Variants in TOX2 observed in about 807,000 individuals in gnomAD.
TOX2 encodes the protein granulosa cell HMG box 1.
Under a neutral mutation model 47.4 loss-of-function variants are expected in TOX2, and 15 were observed. That is an observed-to-expected ratio of 0.32 (90% CI 0.21 to 0.49). The LOEUF (loss-of-function observed/expected upper bound fraction) is 0.49, where lower values mean the gene tolerates loss of function less well. TOX2 is among the 20% of genes least tolerant of loss of function. TOX2 has a pLI of 0.99. For missense variants in TOX2, 622 were observed against 673.1 expected, an observed-to-expected ratio of 0.92 and a Z score of 0.84; for synonymous variants, 290 against 296.6, an observed-to-expected ratio of 0.98 and a Z score of 0.23.
Position 44,062,367 on chromosome 20 carries a change from AAAATAAAT to A in TOX2, c.880-2377_880-2370del, listed in dbSNP as rs200770035. Among the ~76,000 whole-genome samples the A allele has an allele frequency of 8.1e-3, 1,141 of 140,904 alleles. 3 individuals carry two copies. Among genetic ancestry groups the A allele is most frequent in the African/African-American group, 0.02 (725 of 37,090 alleles). The allele number at this position is 140,904 out of a possible 152,430, so 92.4% of individuals were successfully genotyped here. A position where few individuals can be genotyped will look rare whatever the true frequency, so the allele number is the denominator to read the frequency against. The stretch of plus-strand genomic sequence containing the variant: ...CAAGAACTCAACCCCCTTTAACTGC[AAAATAAAT>A]AAATAAATAAATAAATAAATAAATA... On this transcript the variant is annotated intron_variant, in intron 5 of 8. Transcript: ENST00000341197.
At chr20:44,054,251 G>A in intron 4 of TOX2, 48 bp from the exon 5 acceptor site, 1 of 1,556,432 alleles carries the variant, frequency 6.4e-7, no homozygotes, top group Non-Finnish European at 8.7e-7. Flanking sequence ...GCCTTTGGCA[G>A]GAGGCCCTTG....
At chr20:43,962,733 C>T (rs946218076) in intron 1 of TOX2, among the ~76,000 whole-genome samples, 1 of 152,198 alleles carries the variant, frequency 6.6e-6, no homozygotes, top group African/African-American at 2.4e-5. Flanking sequence ...ATGATGTCAG[C>T]TCTTCCGTCT....
chr20:43,952,330 C>A (rs1297908469), intron 1 of TOX2, among the ~76,000 whole-genome samples: 1 of 152,120 alleles, frequency 6.6e-6, no homozygotes, highest in African/African-American at 2.4e-5. Flanking sequence ...GAGCCACTGC[C>A]CCTGGCCTAA....
chr20:43,977,569 G>A (rs111292786), intron 2 of TOX2, among the ~76,000 whole-genome samples: 1 of 152,070 alleles, frequency 6.6e-6, no homozygotes, highest in African/African-American at 2.4e-5. Flanking sequence ...GCCGCTCTAC[G>A]GGCTTGAAGT....
intron 1 of TOX2, among the ~76,000 whole-genome samples, chr20:43,931,321 C>T (rs2069250084): frequency 6.6e-6 from 1 of 151,870 alleles, no homozygotes; most frequent in African/African-American, 2.4e-5. Flanking sequence ...AATTTTTTGA[C>T]AAGGGGTCTC....
At chr20:43,969,277 GGTGT>G (rs1057486165) in intron 1 of TOX2, among the ~76,000 whole-genome samples, 3 of 152,108 alleles carry the variant, frequency 2.0e-5, no homozygotes, top group East Asian at 1.9e-4. Flanking sequence ...ATGGGTTTGT[GGTGT>G]GTGTGTGTGC....
chr20:43,999,044 G>A (rs1048302993), intron 2 of TOX2, among the ~76,000 whole-genome samples: 4 of 152,150 alleles, frequency 2.6e-5, no homozygotes, highest in Non-Finnish European at 5.9e-5. Flanking sequence ...ACAGGCGTGC[G>A]CCACCATGCT....
At chr20:44,057,586 G>GACTTAGAAAAATA (rs2071643534) in intron 5 of TOX2, among the ~76,000 whole-genome samples, 1 of 152,146 alleles carries the variant, frequency 6.6e-6, no homozygotes, top group African/African-American at 2.4e-5. Flanking sequence ...ATAATTCCAA[G>GACTTAGAAAAATA]ACTTAGAAAA....
Position 44,066,776 on chromosome 20 carries a change from C to T in TOX2, c.1403C>T (p.Ser468Leu), listed in dbSNP as rs1040940936. Residue 468 changes from serine (S) to leucine (L), a missense_variant, in exon 8 of 9, where the codon TCA becomes TTA. Physicochemically the swap from Ser to Leu is moderately radical, Grantham distance 145. Coordinates refer to ENST00000341197, the MANE Select transcript of TOX2 (RefSeq NM_001098797.2). ...SEFPSSSGSC[S>L]PGPSNPTSSG... Reference sequence around the variant, plus strand: ...TTCCCCAGCAGCTCGGGATCCTGCTCACCTGGCCCATCCAACCCCACCAGC... The same window carrying T: ...TTCCCCAGCAGCTCGGGATCCTGCTTACCTGGCCCATCCAACCCCACCAGC... The T allele has an allele frequency of 1.2e-6, 2 of 1,614,200 alleles. No homozygotes were observed. The highest frequency in any genetic ancestry group is 1.1e-5 in the South Asian group (1 of 91,078).
chr20:43,931,951 C>G (rs959870187), intron 1 of TOX2, among the ~76,000 whole-genome samples: 7 of 152,176 alleles, frequency 4.6e-5, no homozygotes, highest in African/African-American at 1.7e-4. Context: ...CATTTCCATC[C>G]CTGCAGAAAG....
chr20:43,987,485 C>G (rs2070286785), intron 2 of TOX2, among the ~76,000 whole-genome samples: 2 of 152,122 alleles, frequency 1.3e-5, no homozygotes, highest in South Asian at 4.1e-4. Flanking sequence ...TTGAGCTGTA[C>G]ATTTATGATT....
At chr20:43,979,079 C>A (rs1016244937) in intron 2 of TOX2, among the ~76,000 whole-genome samples, 2 of 152,088 alleles carry the variant, frequency 1.3e-5, no homozygotes, top group Admixed American at 6.6e-5. Context: ...ATGGTGGTAC[C>A]ATTTTCTGAG....
chr20:43,915,047 C>A lies in TOX2; in HGVS notation c.99+57C>A. ...GCGGGGCCGGAGTCACCTGGCAGCT[C>A]GGGACTCAGGCGCTCCCGGGGTCAC... On this transcript the variant is annotated intron_variant, in intron 1 of 8. Coordinates refer to ENST00000341197, the MANE Select transcript of TOX2 (RefSeq NM_001098797.2). The surrounding 1 kb of genome is among the most constrained non-coding windows in gnomAD (Gnocchi z 7.1). 9.2e-7 allele frequency: 1 copy of A among 1,081,514 alleles called. No individual in the cohort carries two copies. The highest frequency in any genetic ancestry group is 1.2e-6 in the Non-Finnish European group (1 of 866,562). 67.0% of individuals were successfully genotyped at this position (1,081,514 alleles called of 1,614,324 possible). A position where few individuals can be genotyped will look rare whatever the true frequency, so the allele number is the denominator to read the frequency against.
chr20:43,949,301 A>G (rs2069520096), intron 1 of TOX2, among the ~76,000 whole-genome samples: 1 of 152,048 alleles, frequency 6.6e-6, no homozygotes, highest in African/African-American at 2.4e-5. Context: ...CCGCTTCACT[A>G]TTACTTGTCA....
intron 1 of TOX2, among the ~76,000 whole-genome samples, chr20:43,932,783 C>CCCG (rs11283632): frequency 0.11 from 16,719 of 148,826 alleles, 2,275 homozygotes; most frequent in African/African-American, 0.31. Flanking sequence ...TGCCCCCCCC[C>CCCG]GCCATTTCTG....
At chr20:43,947,491 T>C (rs772526543) in intron 1 of TOX2, among the ~76,000 whole-genome samples, 2 of 152,064 alleles carry the variant, frequency 1.3e-5, no homozygotes, top group African/African-American at 2.4e-5. Flanking sequence ...CACAACGGCA[T>C]GTGTTTGTGT....
At chr20:44,051,571 T>G (rs1424866595) in intron 4 of TOX2, 26 bp downstream of exon 4, 1 of 1,541,646 alleles carries the variant, frequency 6.5e-7, no homozygotes, top group African/African-American at 1.4e-5. Flanking sequence ...GAACAGAGCC[T>G]GAAGCTGCCC....
intron 1 of TOX2, among the ~76,000 whole-genome samples, chr20:43,953,901 G>A (rs752476432): frequency 1.4e-4 from 22 of 152,112 alleles, no homozygotes; most frequent in Non-Finnish European, 3.1e-4. Context: ...TCAACTCTAT[G>A]CCAGACACTC....
chr20:43,979,071 G>A (rs1282460838), intron 2 of TOX2, among the ~76,000 whole-genome samples: 4 of 152,174 alleles, frequency 2.6e-5, no homozygotes, highest in African/African-American at 9.6e-5. Context: ...TTTCAGGCAT[G>A]GTGGTACCAT....
Sources: allele counts gnomAD v4.1 joint callset (sites outside exome capture counted in the v4.1 genomes callset), GRCh38; gene constraint gnomAD v4.1.1; non-coding constraint Gnocchi (gnomAD v3.1); transcripts MANE v1.5; gene names NCBI Gene and HGNC (gene_info 2026-07-23, HGNC 2026-07-21).